The following EPCAM variants were observed in gnomAD, a reference collection of about 807,000 sequenced individuals.
EPCAM encodes epithelial cell adhesion molecule.
A neutral mutation model predicts 40.0 loss-of-function variants in EPCAM; 39 were observed. The observed-to-expected ratio is 0.98, with a 90% confidence interval of 0.76 to 1.27. The LOEUF is 1.27. Among genes scored for constraint, EPCAM ranks in the 50% most tolerant of loss-of-function variants. The probability of loss-of-function intolerance (pLI) is 0.00; values close to 1 mark genes in which losing one functional copy is unlikely to be tolerated. For synonymous variants in EPCAM, 168 were observed against 132.3 expected, an observed-to-expected ratio of 1.27 and a Z score of -1.85; for missense variants, 503 against 381.2, an observed-to-expected ratio of 1.32 and a Z score of -2.66.
chr2:47,371,874 G>C (rs12999952), intron 1 of EPCAM, among the ~76,000 whole-genome samples: 2,516 of 152,196 alleles, frequency 0.017, 32 homozygotes, highest in Admixed American at 0.034. Flanking sequence ...TCAACTTAGG[G>C]TACTTGGGAT....
At position 47,376,994 on chromosome 2, in the gene EPCAM, A is replaced by G; in HGVS notation, c.492-20A>G. On this transcript the variant is annotated intron_variant, in intron 4 of 8. Coordinates refer to ENST00000263735, the MANE Select transcript of EPCAM (RefSeq NM_002354.3). ...TGGTACAAACATTTTTTTTTAATAC[A>G]GATTTTAAATTCTTTACAGTGCACT... is the stretch of plus-strand genomic sequence containing the variant. 4 of 1,562,552 alleles carry G rather than the reference A, an allele frequency of 2.6e-6. No individual in the cohort carries two copies. The South Asian group carries it at 4.4e-5, about 17-fold the overall frequency.
intron 3 of EPCAM, among the ~76,000 whole-genome samples, chr2:47,374,314 C>G (rs1031630614): frequency 6.6e-6 from 1 of 152,100 alleles, no homozygotes; most frequent in Non-Finnish European, 1.5e-5. Context: ...TGATAGCATA[C>G]TAGGTATAAT....
At chr2:47,381,483 A>G (rs973354619) in intron 7 of EPCAM, among the ~76,000 whole-genome samples, 8 of 152,220 alleles carry the variant, frequency 5.3e-5, no homozygotes, top group Non-Finnish European at 7.4e-5. Context: ...TTCCAGTTCA[A>G]TCAACCATGT....
chr2:47,376,026 G>T (rs575019882), intron 4 of EPCAM, among the ~76,000 whole-genome samples: 1 of 151,904 alleles, frequency 6.6e-6, no homozygotes, highest in African/African-American at 2.4e-5. Flanking sequence ...GTTATATCAC[G>T]TTGTGCCCAT....
chr2:47,373,509 T>G lies in EPCAM; in HGVS notation c.123T>G (p.Asn41Lys), dbSNP rs750032094. 2 of 1,613,912 alleles carry G rather than the reference T, an allele frequency of 1.2e-6. No homozygotes were observed. The highest frequency in any genetic ancestry group is 1.7e-5 in the Admixed American group (1 of 60,012). The change falls in exon 2 of 9, where the codon AAT (asparagine) becomes AAG (lysine). Residue 41 changes from asparagine to lysine, a missense_variant. Physicochemically the swap from Asn to Lys is moderately conservative, Grantham distance 94. Transcript: ENST00000263735. Reference protein sequence around the residue: ...NYKLAVNCFVNNNRQCQCTSV... With the variant: ...NYKLAVNCFVKNNRQCQCTSV... ...AGCTGGCCGTAAACTGCTTTGTGAA[T>G]AATAATCGTCAATGCCAGTGTACTT...
chr2:47,383,496 G>C (rs1018908724), intron 7 of EPCAM: 19 of 151,156 alleles, frequency 1.3e-4, no homozygotes, highest in African/African-American at 4.4e-4. Context: ...GTAGAGACAG[G>C]GTTTCACCAT....
rs747286107 is a variant in EPCAM, at chr2:47,377,039, C to T, written c.517C>T (p.Arg173Cys). Residue 173 changes from arginine (R) to cysteine (C), a missense_variant, in exon 5 of 9, where the codon CGT becomes TGT. Coordinates refer to ENST00000263735, the MANE Select transcript of EPCAM (RefSeq NM_002354.3). ...RTALQKEITT[R>C]YQLDPKFITS... is the part of the protein sequence containing the mutation. ...TGCACTTCAGAAGGAGATCACAACG[C>T]GTTATCAACTGGATCCAAAATTTAT... is the stretch of plus-strand genomic sequence containing the variant. The T allele has an allele frequency of 1.9e-5, 30 of 1,610,398 alleles. No individual in the cohort carries two copies. Among genetic ancestry groups the T allele is most frequent in the South Asian group, 1.1e-5 (1 of 91,002 alleles).
chr2:47,371,087 A>C (rs371891492), intron 1 of EPCAM, among the ~76,000 whole-genome samples: 3 of 151,920 alleles, frequency 2.0e-5, no homozygotes, highest in Non-Finnish European at 4.4e-5. Flanking sequence ...TCAAGTGATC[A>C]CTCCGTCTGG....
intron 1 of EPCAM, among the ~76,000 whole-genome samples, chr2:47,370,053 C>T (rs567167240): frequency 6.6e-6 from 1 of 152,332 alleles, no homozygotes; most frequent in East Asian, 1.9e-4. Flanking sequence ...GACAGGCGCC[C>T]GCAGGGAGGC....
rs867734976 is a variant in EPCAM, at chr2:47,386,521, A to G, written c.904-51A>G. On this transcript the variant is annotated intron_variant, in intron 8 of 8. Coordinates refer to ENST00000263735, the MANE Select transcript of EPCAM (RefSeq NM_002354.3). ...TTTAATACTATTTTCAGAATGAACA[A>G]AAGATTGAAAAATTATTTAGAATTT... 1.6e-5 allele frequency: 23 copies of G among 1,405,012 alleles called. 1 individual carries two copies. The Middle Eastern group carries it at 2.8e-3, about 173-fold the overall frequency. The allele number at this position is 1,405,012 out of a possible 1,614,324, so 87.0% of individuals were successfully genotyped here.
intron 3 of EPCAM, 61 bp from the exon 4 acceptor site, chr2:47,375,173 T>G: frequency 8.0e-7 from 1 of 1,255,558 alleles, no homozygotes; most frequent in Non-Finnish European, 1.2e-6. Flanking sequence ...GATTAGCTTA[T>G]TAGGAAAATA....
intron 1 of EPCAM, among the ~76,000 whole-genome samples, chr2:47,371,780 T>C (rs910131256): frequency 1.3e-4 from 20 of 152,176 alleles, no homozygotes; most frequent in Non-Finnish European, 1.9e-4. Context: ...ATTTTCCCCT[T>C]TTGTGACCCC....
At chr2:47,378,705 T>C (rs186951169) in intron 5 of EPCAM, among the ~76,000 whole-genome samples, 5 of 152,286 alleles carry the variant, frequency 3.3e-5, no homozygotes, top group African/African-American at 4.8e-5. Flanking sequence ...AAAATCCTCT[T>C]AGGAAAAATT....
In EPCAM at chr2:47,369,521, G is replaced by A. The variant is rs867177667; in HGVS notation, c.16G>A (p.Val6Ile). MAPPQ[V>I]LAFGLLLAAA... is the part of the protein sequence containing the mutation. Reference sequence around the variant, plus strand: ...CGCGCGCAGCATGGCGCCCCCGCAGGTCCTCGCGTTCGGGCTTCTGCTTGC... The same window carrying A: ...CGCGCGCAGCATGGCGCCCCCGCAGATCCTCGCGTTCGGGCTTCTGCTTGC... Residue 6 changes from valine (V) to isoleucine (I), a missense_variant, in exon 1 of 9, where the codon GTC (valine) becomes ATC (isoleucine). Coordinates refer to ENST00000263735, the MANE Select transcript of EPCAM (RefSeq NM_002354.3). 1.9e-6 allele frequency: 3 copies of A among 1,569,456 alleles called. No homozygotes were observed. The highest frequency in any genetic ancestry group is 2.6e-6 in the Non-Finnish European group (3 of 1,163,618).
In EPCAM at chr2:47,369,376, C is replaced by T. The variant is rs1671152506; in HGVS notation, c.-130C>T. The T allele has an allele frequency of 2.5e-6, 3 of 1,190,798 alleles. No homozygotes were observed. Among genetic ancestry groups the T allele is most frequent in the Non-Finnish European group, 1.1e-6 (1 of 911,904 alleles). The allele number at this position is 1,190,798 out of a possible 1,614,324, so 73.8% of individuals were successfully genotyped here. A position where few individuals can be genotyped will look rare whatever the true frequency, so the allele number is the denominator to read the frequency against. On this transcript the variant is annotated 5_prime_UTR_variant, in exon 1 of 9. Transcript: ENST00000263735. The stretch of plus-strand genomic sequence containing the variant: ...GGTCCGGGGACCCCCTCGTCGCTGT[C>T]CTCCCGACGCGGACCCGCGTGCCCC...
chr2:47,376,577 A>T (rs546809358), intron 4 of EPCAM, among the ~76,000 whole-genome samples: 1 of 152,170 alleles, frequency 6.6e-6, no homozygotes, highest in East Asian at 1.9e-4. Context: ...TTCCCTCTTA[A>T]CTAAAAGCAG....
chr2:47,383,925 C>A (rs934950796), intron 7 of EPCAM, among the ~76,000 whole-genome samples: 1 of 151,936 alleles, frequency 6.6e-6, no homozygotes, highest in Non-Finnish European at 1.5e-5. Context: ...GCGTGAACCA[C>A]CATGCCTGGC....
rs1318276745 is a variant in EPCAM, at chr2:47,369,324, C to A, written c.-182C>A. ...CCCGCCGCGCGCACAGAGCGCTAGTCCTTCGGCGAGCGAGCACCTTCGACG... is the reference window on the plus strand; with the variant it reads ...CCCGCCGCGCGCACAGAGCGCTAGTACTTCGGCGAGCGAGCACCTTCGACG... On this transcript the variant is annotated 5_prime_UTR_variant, in exon 1 of 9. Transcript: ENST00000263735. 2 of 1,338,788 alleles carry A rather than the reference C, an allele frequency of 1.5e-6. No homozygotes were observed. Among genetic ancestry groups the A allele is most frequent in the South Asian group, 3.1e-5 (2 of 64,748 alleles). The allele number at this position is 1,338,788 out of a possible 1,614,324, so 82.9% of individuals were successfully genotyped here.
chr2:47,377,155 T>G (rs1671449042), intron 5 of EPCAM, 78 bp downstream of exon 5: 1 of 972,992 alleles, frequency 1.0e-6, no homozygotes, highest in Admixed American at 1.7e-5. Context: ...AGCCAGTGAT[T>G]TAAGTGGTGG....
Sources: gnomAD v4.1 joint callset for allele counts (sites outside exome capture counted in the v4.1 genomes callset) on GRCh38, gnomAD v4.1.1 for gene constraint, MANE v1.5 for transcripts, NCBI Gene and HGNC (gene_info 2026-07-23, HGNC 2026-07-21) for gene names.